Variants in MYH7 observed in about 807,000 individuals in gnomAD.
The protein encoded by MYH7 is myosin-7.
A neutral mutation model predicts 225.4 loss-of-function variants in MYH7; 129 were observed. That is an observed-to-expected ratio of 0.57 (90% CI 0.50 to 0.66). The LOEUF (loss-of-function observed/expected upper bound fraction) is 0.66. MYH7 is among the 30% of genes least tolerant of loss of function. The probability of loss-of-function intolerance (pLI) is 0.00; values close to 1 mark genes in which losing one functional copy is unlikely to be tolerated. For synonymous variants in MYH7, 971 were observed against 1,007.6 expected (o/e 0.96, Z 0.69); for missense variants, 1,649 against 2,517.0 (o/e 0.66, Z 7.38).
chr14:23,415,812 G>A lies in MYH7; in HGVS notation c.4974C>T (p.Asp1658=), dbSNP rs374289523. The A allele has an allele frequency of 1.1e-4, 179 of 1,614,064 alleles. No individual in the cohort carries two copies. The Admixed American group carries it at 2.1e-3, about 19-fold the overall frequency. Residue 1658 remains aspartate (D), a synonymous_variant, in exon 35 of 40, where the codon GAC becomes GAT. Transcript: ENST00000355349. The surrounding 1 kb of genome is among the most constrained non-coding windows in gnomAD (Gnocchi z 6.3). ...SLLKDTQIQL[D]DAVRANDDLK... ...GGTCGTCGTTGGCACGGACTGCATC[G>A]TCCAGCTGAATCTGGGTGTCCTGAG...
At chr14:23,417,867 C>T (rs1247218904) in intron 30 of MYH7, 181 bp from the exon 31 acceptor site, 2 of 969,030 alleles carry the variant, frequency 2.1e-6, no homozygotes, top group Non-Finnish European at 3.3e-6. Context: ...GGCGTGGAGA[C>T]CCAGGCACCC....
Position 23,433,558 on chromosome 14 carries a change from C to A in MYH7, c.175G>T (p.Val59Phe), listed in dbSNP as rs771132107. Residue 59 changes from valine (V) to phenylalanine (F), a missense_variant, in exon 3 of 40, where the codon GTC (valine) becomes TTC (phenylalanine). Physicochemically the swap from Val to Phe is conservative, Grantham distance 50 (BLOSUM62 -1). Around this residue, in one of 12 missense-constraint regions of MYH7, gnomAD observed 91 missense variants for 96.5 expected, o/e 0.94. Coordinates refer to ENST00000355349, the MANE Select transcript of MYH7 (RefSeq NM_000257.4). The surrounding 1 kb of genome is among the most constrained non-coding windows in gnomAD (Gnocchi z 4.1). Reference sequence around the variant, plus strand: ...TTGCCATACTCGGTCTCGGCAGTGACTTTGCCACCCTCTCGAGACACGATC... The same window carrying A: ...TTGCCATACTCGGTCTCGGCAGTGAATTTGCCACCCTCTCGAGACACGATC... The part of the protein sequence containing the change: ...AKIVSREGGK[V>F]TAETEYGKTV... The A allele has an allele frequency of 6.2e-7, 1 of 1,614,224 alleles. No homozygotes were observed. The highest frequency in any genetic ancestry group is 1.7e-5 in the Admixed American group (1 of 60,034).
chr14:23,430,138 G>T (rs1892868165), intron 11 of MYH7, among the ~76,000 whole-genome samples: 1 of 152,158 alleles, frequency 6.6e-6, no homozygotes, highest in Admixed American at 6.5e-5. Flanking sequence ...CGCAGCCCCA[G>T]TGTCAGTGGC....
intron 11 of MYH7, 146 bp downstream of exon 11, chr14:23,430,414 C>T: frequency 1.4e-6 from 1 of 719,998 alleles, no homozygotes; most frequent in South Asian, 1.5e-5. Context: ...CCCCAGTACA[C>T]CCTGATCACA....
rs786204383 is a variant in MYH7, at chr14:23,415,357, G to A, written c.5283+24C>T. 1.1e-5 allele frequency: 17 copies of A among 1,614,172 alleles called. No individual in the cohort carries two copies. Among genetic ancestry groups the A allele is most frequent in the East Asian group, 2.2e-5 (1 of 44,866 alleles). On this transcript the variant is annotated intron_variant, in intron 36 of 39. Coordinates refer to ENST00000355349, the MANE Select transcript of MYH7 (RefSeq NM_000257.4). The surrounding 1 kb of genome is among the most constrained non-coding windows in gnomAD (Gnocchi z 6.3). ...CCACGGAGAGACACTGGTCTGGATCGGGTCGGTGGAGTGGGGGACTTACAT... is the reference window on the plus strand; with the variant it reads ...CCACGGAGAGACACTGGTCTGGATCAGGTCGGTGGAGTGGGGGACTTACAT...
intron 13 of MYH7, 35 bp from the exon 14 acceptor site, chr14:23,429,139 G>T: frequency 1.2e-6 from 2 of 1,614,166 alleles, no homozygotes; most frequent in South Asian, 1.1e-5. Context: ...ATTGAGCAGG[G>T]TTGTTGGGAA....
Position 23,425,564 on chromosome 14 carries a change from G to T in MYH7, c.2286+131C>A, listed in dbSNP as rs962061311. 1.3e-6 allele frequency: 2 copies of T among 1,572,406 alleles called. No individual in the cohort carries two copies. Among genetic ancestry groups the T allele is most frequent in the Non-Finnish European group, 1.7e-6 (2 of 1,151,368 alleles). Reference sequence around the variant, plus strand: ...CTGGAGCTGGGATGAGGGGAGTGGTGCTAGATGTTCCACTGGGAGGGGTAG... The same window carrying T: ...CTGGAGCTGGGATGAGGGGAGTGGTTCTAGATGTTCCACTGGGAGGGGTAG... On this transcript the variant is annotated intron_variant, in intron 20 of 39. Coordinates refer to ENST00000355349, the MANE Select transcript of MYH7 (RefSeq NM_000257.4). This position sits in a 1 kb window ranked among gnomAD's most constrained non-coding sequence, Gnocchi z 4.6.
Position 23,429,787 on chromosome 14 carries a change from C to G in MYH7, c.1126G>C (p.Asp376His), listed in dbSNP as rs762422167. The G allele has an allele frequency of 2.5e-6, 4 of 1,612,766 alleles. No homozygotes were observed. The highest frequency in any genetic ancestry group is 4.0e-4 in the Middle Eastern group (2 of 5,026). The change falls in exon 12 of 40, where the codon GAC becomes CAC. Residue 376 changes from aspartate to histidine, a missense_variant. Physicochemically the swap from Asp to His is moderately conservative, Grantham distance 81 (BLOSUM62 -1). This residue lies in a region of MYH7 where 131 missense variants were observed against 231.3 expected (regional missense o/e 0.57). Transcript: ENST00000355349. ...CCCTGCCTCCCACCTTCAGTGCCGT[C>G]TGGCTCCGCCTGCTCCTCCCGCTGC... Reference protein sequence around the residue: ...LKQREEQAEPDGTEEADKSAY... With the variant: ...LKQREEQAEPHGTEEADKSAY...
At chr14:23,426,990 C>A in intron 17 of MYH7, 126 bp from the exon 18 acceptor site, 2 of 961,902 alleles carry the variant, frequency 2.1e-6, no homozygotes, top group Admixed American at 2.0e-5. Flanking sequence ...GATGAAGGGG[C>A]CCTGGGGGCA....
intron 6 of MYH7, 61 bp from the exon 7 acceptor site, chr14:23,431,930 A>G: frequency 6.5e-7 from 1 of 1,544,994 alleles, no homozygotes; most frequent in South Asian, 1.1e-5. Flanking sequence ...CAAGCCTCAA[A>G]TCAGGAGAGA....
At chr14:23,419,107 G>A in intron 29 of MYH7, 70 bp downstream of exon 29, 1 of 1,297,802 alleles carries the variant, frequency 7.7e-7, no homozygotes, top group Non-Finnish European at 1.1e-6. Flanking sequence ...GCTGGGAAGG[G>A]AAGTGATTTG....
chr14:23,415,804 AC>A lies in MYH7; in HGVS notation c.4981del (p.Val1661SerfsTer7). The A allele has an allele frequency of 6.2e-7, 1 of 1,614,120 alleles. No individual in the cohort carries two copies. The highest frequency in any genetic ancestry group is 8.5e-7 in the Non-Finnish European group (1 of 1,180,004). On this transcript the variant is annotated frameshift_variant, in exon 35 of 40. Coordinates refer to ENST00000355349, the MANE Select transcript of MYH7 (RefSeq NM_000257.4). LOFTEE classifies it high-confidence loss of function. This position sits in a 1 kb window ranked among gnomAD's most constrained non-coding sequence, Gnocchi z 6.3. The stretch of plus-strand genomic sequence containing the variant: ...CTCCTTCAGGTCGTCGTTGGCACGG[AC>A]TGCATCGTCCAGCTGAATCTGGGTG... ...KDTQIQLDDA[V>X]RANDDLKENI...
rs1200299259 is a variant in MYH7, at chr14:23,416,117, C to A, written c.4840G>T (p.Val1614Leu). The change falls in exon 34 of 40, where the codon GTG (valine) becomes TTG (leucine). Residue 1614 changes from valine to leucine, a missense_variant. Val to Leu is a conservative substitution (Grantham distance 32). Transcript: ENST00000355349. ...AGGTCTCCTTCCATCTTCTTCTTCA[C>A]CCTCAGGGCCTCGTTGCGGCTGCGT... ...ETRSRNEALR[V>L]KKKMEGDLNE... The A allele has an allele frequency of 1.2e-6, 2 of 1,614,224 alleles. No individual in the cohort carries two copies. Among genetic ancestry groups the A allele is most frequent in the East Asian group, 2.2e-5 (1 of 44,882 alleles).
Position 23,417,179 on chromosome 14 carries a change from A to T in MYH7, c.4493T>A (p.Phe1498Tyr), listed in dbSNP as rs1445128471. The T allele has an allele frequency of 5.6e-6, 9 of 1,613,962 alleles. No homozygotes were observed. The African/African-American group carries it at 8.0e-5, about 14-fold the overall frequency. Residue 1498 changes from phenylalanine to tyrosine, a missense_variant, in exon 32 of 40, where the codon TTC becomes TAC. Physicochemically the swap from Phe to Tyr is conservative, Grantham distance 22 (BLOSUM62 3). Around this residue, in one of 12 missense-constraint regions of MYH7, gnomAD observed 687 missense variants for 913.8 expected, o/e 0.75. Coordinates refer to ENST00000355349, the MANE Select transcript of MYH7 (RefSeq NM_000257.4). ...YEESLEHLET[F>Y]KRENKNLQEE... ...CTGCAGGTTTTTGTTCTCCCGCTTG[A>T]AGGTCTCCAGATGTTCCAGGGACTC...
chr14:23,419,286 G>T lies in MYH7; in HGVS notation c.3863C>A (p.Ser1288Tyr). The T allele has an allele frequency of 6.2e-7, 1 of 1,614,136 alleles. No individual in the cohort carries two copies. The highest frequency in any genetic ancestry group is 8.5e-7 in the Non-Finnish European group (1 of 1,180,034). ...TGCCTCCTTCTCATCCAGCTGCCGG[G>T]ACAGCTCACCTGGGGAAGCACCATT... ...AKLQTENGEL[S>Y]RQLDEKEALI... Residue 1288 changes from serine to tyrosine, a missense_variant, in exon 29 of 40, where the codon TCC becomes TAC. This residue lies in a region of MYH7 where 687 missense variants were observed against 913.8 expected (regional missense o/e 0.75). Transcript: ENST00000355349.
intron 32 of MYH7, 55 bp from the exon 33 acceptor site, chr14:23,417,047 G>C: frequency 6.2e-7 from 1 of 1,614,104 alleles, no homozygotes; most frequent in Non-Finnish European, 8.5e-7. Context: ...AGTGGAGTTG[G>C]AGGGACACGC....
chr14:23,426,689 TG>T (rs1892705946), intron 18 of MYH7, 87 bp downstream of exon 18: 1 of 1,226,322 alleles, frequency 8.2e-7, no homozygotes. Flanking sequence ...GAAACCACTG[TG>T]GTGGTAGGTA....
In MYH7 at chr14:23,430,659, C is replaced by T; in HGVS notation, c.900G>A (p.Met300Ile). The T allele has an allele frequency of 1.9e-6, 3 of 1,613,632 alleles. No homozygotes were observed. In the South Asian group the frequency reaches 3.3e-5, roughly 18 times the overall value. ...LSNKKPELLD[M>I]LLITNNPYDY... ...CGTAGGGGTTGTTGGTGATCAGCAG[C>T]ATGTCTAGGGGAAAAAACATGGTTA... Residue 300 changes from methionine (M) to isoleucine (I), a missense_variant, in exon 11 of 40, where the codon ATG becomes ATA. Around this residue, in one of 12 missense-constraint regions of MYH7, gnomAD observed 131 missense variants for 231.3 expected, o/e 0.57. Transcript: ENST00000355349.
rs1239109536 is a variant in MYH7, at chr14:23,430,060, G to A, written c.1000-147C>T. ...CCCAGTGGGGAGCTCCAAAACAAAG[G>A]ATGTAAGATGCAGGGAACTCCAAAA... On this transcript the variant is annotated intron_variant, in intron 11 of 39. Coordinates refer to ENST00000355349, the MANE Select transcript of MYH7 (RefSeq NM_000257.4). The A allele has an allele frequency of 4.2e-6, 4 of 954,304 alleles. No individual in the cohort carries two copies. In the East Asian group the frequency reaches 1.0e-4, roughly 25 times the overall value. 59.1% of individuals were successfully genotyped at this position (954,304 alleles called of 1,614,324 possible). A position where few individuals can be genotyped will look rare whatever the true frequency, so the allele number is the denominator to read the frequency against.
Sources: allele counts gnomAD v4.1 joint callset (sites outside exome capture counted in the v4.1 genomes callset), GRCh38; gene constraint gnomAD v4.1.1; regional missense constraint gnomAD v4.1.1; non-coding constraint Gnocchi (gnomAD v3.1); transcripts MANE v1.5; gene names NCBI Gene and HGNC (gene_info 2026-07-23, HGNC 2026-07-21).